The following ASCC1 variants were observed in gnomAD, a reference collection of about 807,000 sequenced individuals.
ASCC1 encodes ASC-1 complex subunit P50.
Under a neutral mutation model 46.6 loss-of-function variants are expected in ASCC1, and 35 were observed. That is an observed-to-expected ratio of 0.75 (90% CI 0.57 to 0.99). The LOEUF (loss-of-function observed/expected upper bound fraction) is 0.99. ASCC1 is among the 50% of genes least tolerant of loss of function. ASCC1 has a pLI of 0.00. For missense variants in ASCC1, 376 were observed against 428.7 expected (o/e 0.88, Z 1.09); for synonymous variants, 143 against 146.6 (o/e 0.98, Z 0.18).
At position 72,140,896 on chromosome 10, in the gene ASCC1, T is replaced by C. The variant is rs1589314347; in HGVS notation, c.747-7715A>G. 2.0e-5 allele frequency among the ~76,000 whole-genome samples: 3 copies of C among 152,312 alleles called. No homozygotes were observed. In the South Asian group the frequency reaches 6.2e-4, roughly 32 times the overall value. On this transcript the variant is annotated intron_variant, in intron 7 of 9. Coordinates refer to ENST00000672957, the MANE Select transcript of ASCC1 (RefSeq NM_001198800.3). ...GTAGACTATATCCACTTATTTTTAA[T>C]GTCCTCTTTCTGTCCCATAAGCACA... is the stretch of plus-strand genomic sequence containing the variant.
Position 72,152,771 on chromosome 10 carries a change from A to C in ASCC1, c.746+98T>G, listed in dbSNP as rs1048038158. On this transcript the variant is annotated intron_variant, in intron 7 of 9. Transcript: ENST00000672957. ...GAGAAATAATTAACATGTTCTTTAC[A>C]ATAAGAACTCAAAGAAAAGGAATCA... 43 of 1,390,936 alleles carry C rather than the reference A, an allele frequency of 3.1e-5. No homozygotes were observed. The African/African-American group carries it at 5.3e-4, about 17-fold the overall frequency. 86.2% of individuals were successfully genotyped at this position (1,390,936 alleles called of 1,614,324 possible). A position where few individuals can be genotyped will look rare whatever the true frequency, so the allele number is the denominator to read the frequency against.
chr10:72,104,721 T>G (rs963669252), intron 9 of ASCC1, among the ~76,000 whole-genome samples: 1 of 152,154 alleles, frequency 6.6e-6, no homozygotes, highest in African/African-American at 2.4e-5. Context: ...GTCAGTATTT[T>G]TTAAAACCTG....
chr10:72,177,142 A>G (rs748678812), intron 5 of ASCC1, among the ~76,000 whole-genome samples: 4 of 152,176 alleles, frequency 2.6e-5, no homozygotes, highest in African/African-American at 4.8e-5. Context: ...GCATGAATCA[A>G]TAAGACACAA....
At position 72,111,370 on chromosome 10, in the gene ASCC1, C is replaced by T. The variant is rs902720770; in HGVS notation, c.958-13920G>A. On this transcript the variant is annotated intron_variant, in intron 9 of 9. Coordinates refer to ENST00000672957, the MANE Select transcript of ASCC1 (RefSeq NM_001198800.3). ...GTGTGGCAGCACACGCCTGTAGTCC[C>T]ATCTACTCAGGAGGCTGAAGTGGGA... is the stretch of plus-strand genomic sequence containing the variant. 2.6e-5 allele frequency among the ~76,000 whole-genome samples: 4 copies of T among 152,022 alleles called. No individual in the cohort carries two copies. In the East Asian group the frequency reaches 7.7e-4, roughly 29 times the overall value.
chr10:72,103,566 A>G (rs1403458798), intron 9 of ASCC1, among the ~76,000 whole-genome samples: 1 of 152,140 alleles, frequency 6.6e-6, no homozygotes, highest in Admixed American at 6.5e-5. Flanking sequence ...ATTTGAGCAA[A>G]CAGCAGAAGC....
intron 9 of ASCC1, among the ~76,000 whole-genome samples, chr10:72,127,344 A>G (rs1018596647): frequency 1.2e-4 from 18 of 152,214 alleles, no homozygotes; most frequent in African/African-American, 4.3e-4. Flanking sequence ...GTAGTCTGTT[A>G]GAGAAAGACA....
chr10:72,205,306 C>T (rs147022928), intron 3 of ASCC1, among the ~76,000 whole-genome samples: 2,755 of 152,188 alleles, frequency 0.018, 40 homozygotes, highest in Non-Finnish European at 0.029. Flanking sequence ...CCTGTCTCTA[C>T]CAAAAATACA....
chr10:72,202,148 G>A lies in ASCC1; in HGVS notation c.310+1279C>T, dbSNP rs532106082. 1.3e-3 allele frequency among the ~76,000 whole-genome samples: 201 copies of A among 152,102 alleles called. 2 individuals carry two copies. The highest frequency in any genetic ancestry group is 2.2e-3 in the Non-Finnish European group (148 of 67,982). On this transcript the variant is annotated intron_variant, in intron 4 of 9. Transcript: ENST00000672957. ...AAGAAAATGGGTTAATGAATTATTG[G>A]AGGTTGCTGCACTCTTTGACTTTAA...
intron 4 of ASCC1, among the ~76,000 whole-genome samples, chr10:72,201,302 T>C (rs1451486618): frequency 1.3e-5 from 2 of 152,184 alleles, no homozygotes; most frequent in East Asian, 3.9e-4. Flanking sequence ...TATATGCCAC[T>C]GTCCCCAGTC....
At chr10:72,165,412 G>A (rs542303339) in intron 5 of ASCC1, among the ~76,000 whole-genome samples, 14 of 152,276 alleles carry the variant, frequency 9.2e-5, no homozygotes, top group African/African-American at 3.1e-4. Context: ...CACCGCGCCC[G>A]GCCAAGTTGA....
At chr10:72,206,062 C>T (rs1857163397) in intron 3 of ASCC1, among the ~76,000 whole-genome samples, 1 of 150,084 alleles carries the variant, frequency 6.7e-6, no homozygotes, top group South Asian at 2.1e-4. Flanking sequence ...TGAGATTGTG[C>T]CATTCCACTC....
intron 7 of ASCC1, among the ~76,000 whole-genome samples, chr10:72,149,407 C>T (rs948784579): frequency 5.4e-5 from 8 of 147,440 alleles, no homozygotes; most frequent in African/African-American, 1.8e-4. Context: ...CACTGCACTC[C>T]CGCCTGGGCG....
intron 5 of ASCC1, among the ~76,000 whole-genome samples, chr10:72,172,920 T>C (rs1474791906): frequency 7.5e-6 from 1 of 132,730 alleles, no homozygotes; most frequent in African/African-American, 2.7e-5. Context: ...ATTTTTATAT[T>C]ATATATTATA....
chr10:72,205,893 C>T (rs1458136980), intron 3 of ASCC1, among the ~76,000 whole-genome samples: 2 of 151,878 alleles, frequency 1.3e-5, no homozygotes, highest in African/African-American at 2.4e-5. Flanking sequence ...CACCTGAGGT[C>T]AGGAGTTCAA....
chr10:72,198,909 C>G (rs1856051772), intron 4 of ASCC1, among the ~76,000 whole-genome samples: 1 of 151,922 alleles, frequency 6.6e-6, no homozygotes, highest in African/African-American at 2.4e-5. Context: ...CTCCGCCTCC[C>G]AGGTTCAAGC....
chr10:72,150,921 G>A (rs1848247057), intron 7 of ASCC1, among the ~76,000 whole-genome samples: 1 of 152,200 alleles, frequency 6.6e-6, no homozygotes, highest in African/African-American at 2.4e-5. Flanking sequence ...AGTTAGAATG[G>A]TGATCATTAA....
intron 7 of ASCC1, among the ~76,000 whole-genome samples, chr10:72,150,583 G>T (rs937743097): frequency 1.3e-5 from 2 of 152,182 alleles, no homozygotes; most frequent in African/African-American, 4.8e-5. Context: ...CTTAGAAATC[G>T]CCTCAACTGC....
chr10:72,153,954 C>T (rs2132581737), intron 6 of ASCC1, among the ~76,000 whole-genome samples: 1 of 152,218 alleles, frequency 6.6e-6, no homozygotes, highest in African/African-American at 2.4e-5. Context: ...CTCCAGACCT[C>T]AGGTGATCCT....
intron 5 of ASCC1, among the ~76,000 whole-genome samples, chr10:72,169,954 T>C (rs1016822934): frequency 5.3e-5 from 8 of 152,134 alleles, no homozygotes; most frequent in African/African-American, 1.7e-4. Context: ...ACCCCGTCTC[T>C]ACTAAAAACA....
Sources: gnomAD v4.1 joint callset for allele counts (sites outside exome capture counted in the v4.1 genomes callset) on GRCh38, gnomAD v4.1.1 for gene constraint, MANE v1.5 for transcripts, NCBI Gene and HGNC (gene_info 2026-07-23, HGNC 2026-07-21) for gene names.